PXDNL: variants seen among roughly 807,000 people sequenced by gnomAD.
The protein encoded by PXDNL is probable oxidoreductase PXDNL.
PXDNL carries 145 observed loss-of-function variants against 150.8 expected under a neutral mutation model. The ratio of observed to expected loss-of-function variants is 0.96; its 90% CI spans 0.84 to 1.10. PXDNL has a LOEUF of 1.10. Ranked by LOEUF, PXDNL falls within the 50% of genes least tolerant of loss-of-function variation. The probability of loss-of-function intolerance (pLI) is 0.00; values close to 1 mark genes in which losing one functional copy is unlikely to be tolerated. For synonymous variants in PXDNL, 757 were observed against 725.7 expected, an observed-to-expected ratio of 1.04 and a Z score of -0.69; for missense variants, 2,087 against 1,873.9, an observed-to-expected ratio of 1.11 and a Z score of -2.10.
At chr8:51,644,349 C>T (rs868590400) in intron 2 of PXDNL, among the ~76,000 whole-genome samples, 5,964 of 43,404 alleles carry the variant, frequency 0.14, 1,349 homozygotes, top group Non-Finnish European at 0.23. Flanking sequence ...CACACACACA[C>T]ACACACACAC....
intron 8 of PXDNL, among the ~76,000 whole-genome samples, chr8:51,470,330 A>G (rs545681222): frequency 2.8e-4 from 42 of 152,262 alleles, no homozygotes; most frequent in African/African-American, 1.0e-3. Context: ...TTTAAAACAC[A>G]TGGCTGAGTT....
At chr8:51,381,807 C>G (rs1212337740) in intron 17 of PXDNL, among the ~76,000 whole-genome samples, 2 of 150,874 alleles carry the variant, frequency 1.3e-5, no homozygotes, top group African/African-American at 2.5e-5. Flanking sequence ...CACCCGTCCC[C>G]ACGCCCAGCT....
intron 20 of PXDNL, among the ~76,000 whole-genome samples, chr8:51,342,095 A>T (rs1360767776): frequency 6.6e-6 from 1 of 152,214 alleles, no homozygotes; most frequent in Non-Finnish European, 1.5e-5. Flanking sequence ...TGTATTGTAC[A>T]CTGACAAATG....
At chr8:51,385,130 C>A (rs1807660391) in intron 17 of PXDNL, among the ~76,000 whole-genome samples, 2 of 152,076 alleles carry the variant, frequency 1.3e-5, no homozygotes, top group South Asian at 2.1e-4. Flanking sequence ...CAGCTATTAA[C>A]AATTATATCA....
chr8:51,510,663 C>A (rs2979124), intron 4 of PXDNL, among the ~76,000 whole-genome samples: 145,343 of 152,200 alleles, frequency 0.95, 69,750 homozygotes, highest in East Asian at 1. Flanking sequence ...CCTAAGAAGC[C>A]CAGGAGACCT....
chr8:51,629,883 A>C (rs757839212), intron 2 of PXDNL, among the ~76,000 whole-genome samples: 14 of 152,210 alleles, frequency 9.2e-5, no homozygotes, highest in South Asian at 4.1e-4. Flanking sequence ...TGCAGATTCA[A>C]TGCTATTCGT....
At chr8:51,407,983 C>A (rs564885342) in intron 17 of PXDNL, 84 bp downstream of exon 17, 6 of 1,275,392 alleles carry the variant, frequency 4.7e-6, no homozygotes, top group Non-Finnish European at 6.4e-6. Context: ...CCCAGGGAAC[C>A]AAATTCCAGC....
At chr8:51,686,546 C>G (rs928607788) in intron 1 of PXDNL, among the ~76,000 whole-genome samples, 56 of 152,334 alleles carry the variant, frequency 3.7e-4, no homozygotes, top group African/African-American at 1.3e-3. Flanking sequence ...ATTTGCAGCA[C>G]TCATTGAGCA....
intron 1 of PXDNL, among the ~76,000 whole-genome samples, chr8:51,753,594 G>A (rs537291608): frequency 9.9e-5 from 15 of 152,228 alleles, no homozygotes; most frequent in East Asian, 7.7e-4. Context: ...TCTGTGCATC[G>A]CACACTAAAA....
At chr8:51,775,384 T>C (rs1035324350) in intron 1 of PXDNL, among the ~76,000 whole-genome samples, 1 of 152,228 alleles carries the variant, frequency 6.6e-6, no homozygotes, top group Non-Finnish European at 1.5e-5. Flanking sequence ...TATATTGCCA[T>C]TCCAATGGGT....
intron 2 of PXDNL, among the ~76,000 whole-genome samples, chr8:51,611,894 G>A (rs1025986338): frequency 2.0e-5 from 3 of 152,232 alleles, no homozygotes; most frequent in African/African-American, 7.2e-5. Flanking sequence ...CAGCCGGGAT[G>A]CCGAAGGGAA....
At chr8:51,649,693 T>A (rs1348390858) in intron 2 of PXDNL, among the ~76,000 whole-genome samples, 1 of 152,204 alleles carries the variant, frequency 6.6e-6, no homozygotes, top group African/African-American at 2.4e-5. Context: ...ATTAATGCTA[T>A]TTCTTTCTTT....
At chr8:51,613,486 G>GT (rs1358391892) in intron 2 of PXDNL, among the ~76,000 whole-genome samples, 4 of 84,496 alleles carry the variant, frequency 4.7e-5, no homozygotes, top group African/African-American at 1.3e-4. Context: ...TAAGGGGGCG[G>GT]GGGGGGGGCA....
intron 1 of PXDNL, among the ~76,000 whole-genome samples, chr8:51,749,362 G>C (rs1404468357): frequency 6.6e-6 from 1 of 152,192 alleles, no homozygotes; most frequent in Non-Finnish European, 1.5e-5. Flanking sequence ...CACAAAGCTA[G>C]ATGGTAGAGC....
intron 1 of PXDNL, among the ~76,000 whole-genome samples, chr8:51,761,141 A>G (rs983345934): frequency 6.7e-5 from 10 of 149,870 alleles, no homozygotes; most frequent in East Asian, 2.0e-4. Flanking sequence ...CCAAAGTGCT[A>G]GGATTACAGG....
intron 17 of PXDNL, among the ~76,000 whole-genome samples, chr8:51,401,551 A>G (rs971467789): frequency 6.6e-6 from 1 of 152,186 alleles, no homozygotes; most frequent in Non-Finnish European, 1.5e-5. Flanking sequence ...CTGGTCCTTG[A>G]CTAAGAGCGC....
At chr8:51,374,488 C>T (rs999378243) in intron 18 of PXDNL, 109 bp downstream of exon 18, 1 of 1,046,578 alleles carries the variant, frequency 9.6e-7, no homozygotes, top group Non-Finnish European at 1.4e-6. Context: ...ATTCATTATA[C>T]TCAATATGCA....
rs1563304325 is a variant in PXDNL at position 51,735,545 on chromosome 8, T to TTG, written c.164+73635_164+73636insCA. On this transcript the variant is annotated intron_variant, in intron 1 of 22. Transcript: ENST00000356297. ...AAAATTGTTTTTTTTTTTTTTTTTTTTTTTTTTTTTTTTTTTTTTGAGACG... is the reference window on the plus strand; with the variant it reads ...AAAATTGTTTTTTTTTTTTTTTTTTTTGTTTTTTTTTTTTTTTTTTTGAGACG... Among the ~76,000 whole-genome samples the TTG allele has an allele frequency of 2.0e-3, 237 of 115,670 alleles. 6 individuals carry two copies. Among genetic ancestry groups the TTG allele is most frequent in the African/African-American group, 7.0e-3 (192 of 27,388 alleles). 75.9% of individuals were successfully genotyped at this position (115,670 alleles called of 152,430 possible). A position where few individuals can be genotyped will look rare whatever the true frequency, so the allele number is the denominator to read the frequency against.
chr8:51,323,029 C>A (rs1376131237), intron 21 of PXDNL, among the ~76,000 whole-genome samples: 1 of 152,008 alleles, frequency 6.6e-6, no homozygotes, highest in African/African-American at 2.4e-5. Context: ...TTCACAATAA[C>A]CAGATGTGAA....
Sources: allele counts gnomAD v4.1 joint callset (sites outside exome capture counted in the v4.1 genomes callset), GRCh38; gene constraint gnomAD v4.1.1; transcripts MANE v1.5; gene names NCBI Gene and HGNC (gene_info 2026-07-23, HGNC 2026-07-21).